The following GABRG1 variants were observed in gnomAD, a reference collection of about 807,000 sequenced individuals.
GABRG1 encodes the protein gamma-aminobutyric acid type A receptor subunit gamma1, also known as gamma-aminobutyric acid receptor subunit gamma-1.
In GABRG1, 49 loss-of-function variants were observed where a neutral mutation model predicts 49.8. The ratio of observed to expected loss-of-function variants is 0.98; its 90% CI spans 0.78 to 1.25. The LOEUF (loss-of-function observed/expected upper bound fraction) is 1.25. GABRG1 is among the 50% of genes most tolerant of loss of function. The pLI is 0.00. For missense variants in GABRG1, 552 were observed against 552.3 expected, an observed-to-expected ratio of 1.00 and a Z score of 0.01; for synonymous variants, 232 against 185.1, an observed-to-expected ratio of 1.25 and a Z score of -2.06.
chr4:46,080,402 T>G (rs577375612), intron 3 of GABRG1, among the ~76,000 whole-genome samples: 1 of 152,010 alleles, frequency 6.6e-6, no homozygotes, highest in African/African-American at 2.4e-5. Context: ...AACCTATTTC[T>G]TATTCATCCC....
intron 1 of GABRG1, among the ~76,000 whole-genome samples, chr4:46,113,477 A>C (rs556344485): frequency 6.6e-6 from 1 of 151,102 alleles, no homozygotes; most frequent in African/African-American, 2.4e-5. Flanking sequence ...CTTGGGGATT[A>C]TGGGGATTAC....
intron 7 of GABRG1, among the ~76,000 whole-genome samples, chr4:46,056,458 T>C (rs950703815): frequency 6.6e-6 from 1 of 151,988 alleles, no homozygotes; most frequent in Non-Finnish European, 1.5e-5. Context: ...TGCCACATCA[T>C]CAGAGGTATC....
At chr4:46,069,856 T>C (rs777408070) in intron 3 of GABRG1, among the ~76,000 whole-genome samples, 15 of 151,918 alleles carry the variant, frequency 9.9e-5, no homozygotes, top group Admixed American at 2.0e-4. Context: ...GAAATAGAAA[T>C]AGTAGAGATT....
intron 5 of GABRG1, among the ~76,000 whole-genome samples, chr4:46,063,278 G>T (rs576444073): frequency 2.0e-5 from 3 of 151,898 alleles, no homozygotes; most frequent in Non-Finnish European, 4.4e-5. Flanking sequence ...ATACTACAAG[G>T]CTACAGTAAC....
intron 3 of GABRG1, among the ~76,000 whole-genome samples, chr4:46,073,214 T>C (rs1239454394): frequency 6.6e-6 from 1 of 152,036 alleles, no homozygotes; most frequent in Non-Finnish European, 1.5e-5. Context: ...TCATTTGCTT[T>C]CCAGATTCCA....
chr4:46,071,106 C>T (rs1284147899), intron 3 of GABRG1, among the ~76,000 whole-genome samples: 1 of 151,962 alleles, frequency 6.6e-6, no homozygotes, highest in Non-Finnish European at 1.5e-5. Flanking sequence ...TTACTTACGT[C>T]TTTCTGGTGA....
intron 2 of GABRG1, among the ~76,000 whole-genome samples, chr4:46,089,523 G>A (rs1235351355): frequency 6.6e-6 from 1 of 152,076 alleles, no homozygotes; most frequent in Non-Finnish European, 1.5e-5. Context: ...TACCCCCACA[G>A]TGTCACCCTA....
intron 3 of GABRG1, among the ~76,000 whole-genome samples, chr4:46,065,793 G>T (rs143973055): frequency 0.028 from 4,275 of 152,140 alleles, 95 homozygotes; most frequent in African/African-American, 0.049. Flanking sequence ...TGCAATCTCG[G>T]CTCACCGCAA....
chr4:46,063,406 C>T (rs1718788218), intron 5 of GABRG1, among the ~76,000 whole-genome samples: 1 of 152,104 alleles, frequency 6.6e-6, no homozygotes, highest in Admixed American at 6.5e-5. Flanking sequence ...CTGAGAAAAA[C>T]AAGCAATGGG....
At chr4:46,117,292 C>A (rs1720927044) in intron 1 of GABRG1, among the ~76,000 whole-genome samples, 1 of 150,402 alleles carries the variant, frequency 6.6e-6, no homozygotes, top group African/African-American at 2.4e-5. Context: ...ACTTTTTAGT[C>A]ACTTAATATT....
intron 3 of GABRG1, among the ~76,000 whole-genome samples, chr4:46,070,973 G>T (rs941779213): frequency 6.6e-6 from 1 of 152,042 alleles, no homozygotes; most frequent in South Asian, 2.1e-4. Flanking sequence ...ATACAGTCAT[G>T]CACTGCCTAA....
chr4:46,049,164 C>T (rs1277999976), intron 8 of GABRG1, among the ~76,000 whole-genome samples: 1 of 151,832 alleles, frequency 6.6e-6, no homozygotes, highest in Non-Finnish European at 1.5e-5. Flanking sequence ...GGTGAAGTCA[C>T]AAACATTTAA....
intron 8 of GABRG1, among the ~76,000 whole-genome samples, chr4:46,044,165 T>C (rs1717897085): frequency 6.6e-6 from 1 of 151,968 alleles, no homozygotes; most frequent in Non-Finnish European, 1.5e-5. Context: ...GATTATACCA[T>C]CAACATTAAA....
chr4:46,055,289 G>A (rs1356668265), intron 7 of GABRG1, among the ~76,000 whole-genome samples: 3 of 4,704 alleles, frequency 6.4e-4, no homozygotes, highest in African/African-American at 1.4e-3. Context: ...AAAAGTGGGC[G>A]AAGGACATGA....
intron 1 of GABRG1, among the ~76,000 whole-genome samples, chr4:46,110,955 C>T (rs1438510211): frequency 6.6e-6 from 1 of 151,132 alleles, no homozygotes; most frequent in African/African-American, 2.4e-5. Context: ...AGGATGGCCA[C>T]TCCTACCACT....
At chr4:46,059,705 G>A (rs979878313) in intron 5 of GABRG1, among the ~76,000 whole-genome samples, 5 of 151,958 alleles carry the variant, frequency 3.3e-5, no homozygotes, top group Admixed American at 6.6e-5. Context: ...GAGCCACCAC[G>A]CCTAGCCACT....
At chr4:46,077,260 C>T (rs1719385226) in intron 3 of GABRG1, among the ~76,000 whole-genome samples, 1 of 151,394 alleles carries the variant, frequency 6.6e-6, no homozygotes, top group African/African-American at 2.4e-5. Flanking sequence ...TGTAACAAAC[C>T]TGCACGTTGT....
rs772117598 is a variant in GABRG1, at chr4:46,039,785, A to G, written c.*1203T>C. 6.6e-6 allele frequency: 1 copy of G among 151,662 alleles called. No individual in the cohort carries two copies. Among genetic ancestry groups the G allele is most frequent in the African/African-American group, 2.4e-5 (1 of 41,376 alleles). 9.4% of individuals were successfully genotyped at this position (151,662 alleles called of 1,614,324 possible). A position where few individuals can be genotyped will look rare whatever the true frequency, so the allele number is the denominator to read the frequency against. On this transcript the variant is annotated 3_prime_UTR_variant, in exon 9 of 9. Coordinates refer to ENST00000295452, the MANE Select transcript of GABRG1 (RefSeq NM_173536.4). ...AAGAATTTAGAGAGCACTCACATTCATGTTCATTAAAGATGCCTCTAACAA... is the reference window on the plus strand; with the variant it reads ...AAGAATTTAGAGAGCACTCACATTCGTGTTCATTAAAGATGCCTCTAACAA...
At position 46,098,684 on chromosome 4, in the gene GABRG1, G is replaced by A. The variant is rs146316717; in HGVS notation, c.105-1335C>T. Among the ~76,000 whole-genome samples, 274 of 151,748 alleles carry A rather than the reference G, an allele frequency of 1.8e-3. 1 individual carries two copies. Among genetic ancestry groups the A allele is most frequent in the African/African-American group, 6.2e-3 (255 of 41,446 alleles). On this transcript the variant is annotated intron_variant, in intron 1 of 8. Transcript: ENST00000295452. ...CCCTGGTCTTGAGAGAAATATTACT[G>A]CTTTTGATTGCCACCTCTTTGGTAT...
Sources: gnomAD v4.1 joint callset for allele counts (sites outside exome capture counted in the v4.1 genomes callset) on GRCh38, gnomAD v4.1.1 for gene constraint, MANE v1.5 for transcripts, NCBI Gene and HGNC (gene_info 2026-07-23, HGNC 2026-07-21) for gene names.